The following SPTSSB variants were observed in gnomAD, a reference collection of about 807,000 sequenced individuals.
SPTSSB encodes androgen down regulated in mouse prostate.
Under a neutral mutation model 7.7 loss-of-function variants are expected in SPTSSB, and 6 were observed. The ratio of observed to expected loss-of-function variants is 0.78; its 90% CI spans 0.43 to 1.54. The LOEUF (loss-of-function observed/expected upper bound fraction) is 1.54, where lower values mean the gene tolerates loss of function less well. Among genes scored for constraint, SPTSSB ranks in the 40% most tolerant of loss-of-function variants. The pLI is 0.01. For synonymous variants in SPTSSB, 28 were observed against 29.7 expected, an observed-to-expected ratio of 0.94 and a Z score of 0.19; for missense variants, 91 against 93.0, an observed-to-expected ratio of 0.98 and a Z score of 0.09.
chr3:161,362,911 A>G (rs1407517803), intron 1 of SPTSSB, among the ~76,000 whole-genome samples: 2 of 152,020 alleles, frequency 1.3e-5, no homozygotes, highest in African/African-American at 4.8e-5. Context: ...ATATGATAGT[A>G]ATAATAATAC....
chr3:161,363,614 A>G (rs756829939), intron 1 of SPTSSB, among the ~76,000 whole-genome samples: 3 of 152,096 alleles, frequency 2.0e-5, no homozygotes, highest in Non-Finnish European at 2.9e-5. Context: ...CCATAATTTT[A>G]CCATTTTTAA....
intron 1 of SPTSSB, among the ~76,000 whole-genome samples, chr3:161,360,736 CAG>C (rs954677785): frequency 6.6e-6 from 1 of 152,092 alleles, no homozygotes; most frequent in Non-Finnish European, 1.5e-5. Flanking sequence ...TAGCAGATTG[CAG>C]ATTCTGAGGG....
Position 161,345,989 on chromosome 3 carries a change from G to T in SPTSSB, c.*104C>A. The T allele has an allele frequency of 1.5e-6, 1 of 657,964 alleles. No individual in the cohort carries two copies. Among genetic ancestry groups the T allele is most frequent in the Non-Finnish European group, 2.7e-6 (1 of 367,766 alleles). The allele number at this position is 657,964 out of a possible 1,614,324, so 40.8% of individuals were successfully genotyped here. A position where few individuals can be genotyped will look rare whatever the true frequency, so the allele number is the denominator to read the frequency against. On this transcript the variant is annotated 3_prime_UTR_variant, in exon 3 of 3. Coordinates refer to ENST00000620149, the MANE Select transcript of SPTSSB (RefSeq NM_001040100.2). ...TATAAGAGTGCATAGAGAAGAGAGT[G>T]CTTTTCAGGTCAGATAGTGAAGGAA... is the stretch of plus-strand genomic sequence containing the variant.
In SPTSSB at chr3:161,369,346, TTCTTTC is replaced by T. The variant is rs1322556673; in HGVS notation, c.-126+2083_-126+2088del. 8.3e-3 allele frequency among the ~76,000 whole-genome samples: 853 copies of T among 102,408 alleles called. 7 individuals carry two copies. The highest frequency in any genetic ancestry group is 0.021 in the South Asian group (55 of 2,590). The allele number at this position is 102,408 out of a possible 152,430, so 67.2% of individuals were successfully genotyped here. A position where few individuals can be genotyped will look rare whatever the true frequency, so the allele number is the denominator to read the frequency against. On this transcript the variant is annotated intron_variant, in intron 1 of 2. Coordinates refer to ENST00000620149, the MANE Select transcript of SPTSSB (RefSeq NM_001040100.2). Reference sequence around the variant, plus strand: ...TTTCTTTCTTTCTTTCTTTCTTTCTTTCTTTCTCTTTCTTTCTCTCTCTGTCTCTCT... The same window carrying T: ...TTTCTTTCTTTCTTTCTTTCTTTCTTTCTTTCTTTCTCTCTCTGTCTCTCT...
chr3:161,368,532 T>C (rs1304985927), intron 1 of SPTSSB, among the ~76,000 whole-genome samples: 1 of 151,290 alleles, frequency 6.6e-6, no homozygotes, highest in African/African-American at 2.4e-5. Flanking sequence ...GTTCACGCCA[T>C]TCTCCTGCCT....
intron 2 of SPTSSB, among the ~76,000 whole-genome samples, chr3:161,355,867 A>G (rs371568596): frequency 2.5e-4 from 38 of 152,248 alleles, no homozygotes; most frequent in African/African-American, 8.2e-4. Flanking sequence ...TAAGAAATCA[A>G]TGAATAACCC....
chr3:161,346,035 C>A lies in SPTSSB; in HGVS notation c.*58G>T. The A allele has an allele frequency of 1.1e-6, 1 of 894,504 alleles. No homozygotes were observed. Among genetic ancestry groups the A allele is most frequent in the Non-Finnish European group, 1.8e-6 (1 of 546,174 alleles). The allele number at this position is 894,504 out of a possible 1,614,324, so 55.4% of individuals were successfully genotyped here. On this transcript the variant is annotated 3_prime_UTR_variant, in exon 3 of 3. Transcript: ENST00000620149. ...AGGAAGACACAATAGTTACCTAAAT[C>A]AATAAGCTGTAAGCAACATATAAAT...
chr3:161,361,542 A>G (rs557092036), intron 1 of SPTSSB, among the ~76,000 whole-genome samples: 45 of 152,304 alleles, frequency 3.0e-4, no homozygotes, highest in Non-Finnish European at 6.0e-4. Context: ...GTATTTGGAT[A>G]TTGTTTAACC....
At chr3:161,350,226 G>C (rs336572) in intron 2 of SPTSSB, among the ~76,000 whole-genome samples, 2,180 of 151,838 alleles carry the variant, frequency 0.014, 59 homozygotes, top group African/African-American at 0.05. Flanking sequence ...TGAAAGAGGC[G>C]TAGCAGGTGA....
rs545121880 is a variant in SPTSSB, at chr3:161,370,526, T to C, written c.-126+909A>G. Among the ~76,000 whole-genome samples, 3 of 152,354 alleles carry C rather than the reference T, an allele frequency of 2.0e-5. No homozygotes were observed. The East Asian group carries it at 5.8e-4, about 29-fold the overall frequency. On this transcript the variant is annotated intron_variant, in intron 1 of 2. Transcript: ENST00000620149. The stretch of plus-strand genomic sequence containing the variant: ...AGTTATTAAAAATTCAACACTTTTA[T>C]GTATACATTTTAGAATTTCACTAGC...
intron 1 of SPTSSB, among the ~76,000 whole-genome samples, chr3:161,365,257 C>G (rs1415610892): frequency 6.6e-6 from 1 of 152,188 alleles, no homozygotes. Context: ...CAGCTAGCCA[C>G]TCAGTCAAGT....
At chr3:161,360,239 A>G (rs1714951324) in intron 1 of SPTSSB, among the ~76,000 whole-genome samples, 1 of 152,162 alleles carries the variant, frequency 6.6e-6, no homozygotes, top group South Asian at 2.1e-4. Flanking sequence ...CTGCTCTCTA[A>G]TTCAGTTTTT....
In SPTSSB at chr3:161,346,066, A is replaced by T; in HGVS notation, c.*27T>A. On this transcript the variant is annotated 3_prime_UTR_variant, in exon 3 of 3. Coordinates refer to ENST00000620149, the MANE Select transcript of SPTSSB (RefSeq NM_001040100.2). ...GCTGTAAGCAACATATAAATATGCAATGCCATTTCACTGAATGTGAACAGG... is the reference window on the plus strand; with the variant it reads ...GCTGTAAGCAACATATAAATATGCATTGCCATTTCACTGAATGTGAACAGG... 8.7e-7 allele frequency: 1 copy of T among 1,153,790 alleles called. No homozygotes were observed. The highest frequency in any genetic ancestry group is 1.3e-6 in the Non-Finnish European group (1 of 762,802). 71.5% of individuals were successfully genotyped at this position (1,153,790 alleles called of 1,614,324 possible). A position where few individuals can be genotyped will look rare whatever the true frequency, so the allele number is the denominator to read the frequency against.
Position 161,345,477 on chromosome 3 carries a change from G to A in SPTSSB, c.*616C>T, listed in dbSNP as rs974310562. On this transcript the variant is annotated 3_prime_UTR_variant, in exon 3 of 3. Coordinates refer to ENST00000620149, the MANE Select transcript of SPTSSB (RefSeq NM_001040100.2). Reference sequence around the variant, plus strand: ...AAAATCAACATTGTTGATTTTAAACGGTTATAAAGCCAGACTTTAAGAAGC... The same window carrying A: ...AAAATCAACATTGTTGATTTTAAACAGTTATAAAGCCAGACTTTAAGAAGC... 2.6e-5 allele frequency: 4 copies of A among 152,264 alleles called. No individual in the cohort carries two copies. Among genetic ancestry groups the A allele is most frequent in the African/African-American group, 4.8e-5 (2 of 41,310 alleles). The allele number at this position is 152,264 out of a possible 1,614,324, so 9.4% of individuals were successfully genotyped here.
chr3:161,368,876 G>GT (rs1289700989), intron 1 of SPTSSB, among the ~76,000 whole-genome samples: 2 of 152,168 alleles, frequency 1.3e-5, no homozygotes, highest in Admixed American at 6.5e-5. Flanking sequence ...CCATGTTGTA[G>GT]TATGTATCAG....
chr3:161,347,419 G>A (rs957543067), intron 2 of SPTSSB, among the ~76,000 whole-genome samples: 9 of 151,662 alleles, frequency 5.9e-5, no homozygotes, highest in South Asian at 2.1e-4. Context: ...CACCATGCCC[G>A]GCTAATTTTT....
rs538569648 is a variant in SPTSSB at position 161,346,014 on chromosome 3, A to G, written c.*79T>C. The G allele has an allele frequency of 5.5e-5, 41 of 746,238 alleles. No homozygotes were observed. Among genetic ancestry groups the G allele is most frequent in the Non-Finnish European group, 8.8e-5 (38 of 430,120 alleles). 46.2% of individuals were successfully genotyped at this position (746,238 alleles called of 1,614,324 possible). On this transcript the variant is annotated 3_prime_UTR_variant, in exon 3 of 3. Coordinates refer to ENST00000620149, the MANE Select transcript of SPTSSB (RefSeq NM_001040100.2). ...GCTTTTCAGGTCAGATAGTGAAGGA[A>G]GACACAATAGTTACCTAAATCAATA... is the stretch of plus-strand genomic sequence containing the variant.
chr3:161,348,766 C>T (rs1308689684), intron 2 of SPTSSB, among the ~76,000 whole-genome samples: 1 of 152,164 alleles, frequency 6.6e-6, no homozygotes, highest in Non-Finnish European at 1.5e-5. Context: ...TGAAAAGTGT[C>T]TCTTGAAAAC....
At chr3:161,369,413 G>A (rs1395525156) in intron 1 of SPTSSB, among the ~76,000 whole-genome samples, 1 of 26,154 alleles carries the variant, frequency 3.8e-5, no homozygotes, top group Admixed American at 3.9e-4. Context: ...TTTTTTTTGT[G>A]ATAGCCATTC....
Sources: gnomAD v4.1 joint callset for allele counts (sites outside exome capture counted in the v4.1 genomes callset) on GRCh38, gnomAD v4.1.1 for gene constraint, MANE v1.5 for transcripts, NCBI Gene and HGNC (gene_info 2026-07-23, HGNC 2026-07-21) for gene names.